Variants in IQSEC1 observed in about 807,000 individuals in gnomAD.
IQSEC1 encodes the protein IQ motif and SEC7 domain-containing protein 1.
IQSEC1 carries 31 observed loss-of-function variants against 91.0 expected under a neutral mutation model. The observed-to-expected ratio is 0.34, with a 90% CI of 0.26 to 0.46. IQSEC1 has a LOEUF of 0.46. Among genes scored for constraint, IQSEC1 ranks in the 20% least tolerant of loss-of-function variants. The probability of loss-of-function intolerance (pLI) is 1.00; values close to 1 mark genes in which losing one functional copy is unlikely to be tolerated. For missense variants in IQSEC1, 1,388 were observed against 1,575.6 expected, an observed-to-expected ratio of 0.88 and a Z score of 2.02; for synonymous variants, 699 against 662.6, an observed-to-expected ratio of 1.05 and a Z score of -0.84.
At chr3:13,261,535 C>T (rs1035739221) in intron 1 of IQSEC1, among the ~76,000 whole-genome samples, 1 of 152,114 alleles carries the variant, frequency 6.6e-6, no homozygotes, top group Non-Finnish European at 1.5e-5. Flanking sequence ...CCCCAGACAG[C>T]GAGCAAAGCC....
At chr3:13,062,712 G>A (rs1705108511) in intron 1 of IQSEC1, among the ~76,000 whole-genome samples, 2 of 152,152 alleles carry the variant, frequency 1.3e-5, no homozygotes, top group African/African-American at 2.4e-5. Context: ...ATGGTGGAGA[G>A]CAAATGGGAG....
intron 9 of IQSEC1, among the ~76,000 whole-genome samples, chr3:12,913,154 A>T (rs1386117244): frequency 6.6e-6 from 1 of 152,222 alleles, no homozygotes; most frequent in Non-Finnish European, 1.5e-5. Flanking sequence ...AGGAAGCGTC[A>T]CACAAGGTAC....
At chr3:13,080,773 C>G (rs1424778919) in intron 2 of IQSEC1, among the ~76,000 whole-genome samples, 1 of 152,224 alleles carries the variant, frequency 6.6e-6, no homozygotes, top group Non-Finnish European at 1.5e-5. Context: ...AGCCCCCGCC[C>G]TGCCGCTGTT....
intron 1 of IQSEC1, among the ~76,000 whole-genome samples, chr3:12,955,703 G>A (rs1699859008): frequency 6.6e-6 from 1 of 152,236 alleles, no homozygotes; most frequent in Non-Finnish European, 1.5e-5. Flanking sequence ...GAGGGGCTGG[G>A]CAAAGCCCTT....
Position 12,940,056 on chromosome 3 carries a change from A to C in IQSEC1, c.318+1515T>G, listed in dbSNP as rs1698609187. ...CCACAGTAAGCATATAATTCTCTTCAAAGGCCTCTATTAAGTCCCAACCTT... is the reference window on the plus strand; with the variant it reads ...CCACAGTAAGCATATAATTCTCTTCCAAGGCCTCTATTAAGTCCCAACCTT... On this transcript the variant is annotated intron_variant, in intron 2 of 13. Transcript: ENST00000613206. This position sits in a 1 kb window ranked among gnomAD's most constrained non-coding sequence, Gnocchi z 4.4. 6.6e-6 allele frequency among the ~76,000 whole-genome samples: 1 copy of C among 152,324 alleles called. No individual in the cohort carries two copies. The highest frequency in any genetic ancestry group is 1.9e-4 in the East Asian group (1 of 5,188).
Position 12,967,873 on chromosome 3 carries a change from G to A in IQSEC1, c.24-26008C>T, listed in dbSNP as rs1183230795. On this transcript the variant is annotated intron_variant, in intron 1 of 13. Transcript: ENST00000613206. This position sits in a 1 kb window ranked among gnomAD's most constrained non-coding sequence, Gnocchi z 5.9. ...ACAGGAGGCGTGGCCACACGGCGCC[G>A]CGGAAGAAGCACAGGGGGCGGGGGG... is the stretch of plus-strand genomic sequence containing the variant. 2.0e-5 allele frequency among the ~76,000 whole-genome samples: 3 copies of A among 148,156 alleles called. No homozygotes were observed. Among genetic ancestry groups the A allele is most frequent in the East Asian group, 4.0e-4 (2 of 5,030 alleles).
At chr3:13,203,142 C>T (rs1694274772) in intron 1 of IQSEC1, among the ~76,000 whole-genome samples, 1 of 151,850 alleles carries the variant, frequency 6.6e-6, no homozygotes, top group African/African-American at 2.4e-5. Flanking sequence ...TCCTGCTGCT[C>T]ATTCGGTTCC....
chr3:13,194,534 C>T (rs1173325945), intron 1 of IQSEC1, among the ~76,000 whole-genome samples: 1 of 152,138 alleles, frequency 6.6e-6, no homozygotes, highest in Non-Finnish European at 1.5e-5. Flanking sequence ...TGTCAAGGCG[C>T]CCCAACTCGC....
intron 2 of IQSEC1, among the ~76,000 whole-genome samples, chr3:13,097,414 G>A (rs1207493162): frequency 1.3e-5 from 2 of 152,122 alleles, no homozygotes. Context: ...ACTCCACCTG[G>A]CTGTCCACCA....
At chr3:13,057,186 C>G (rs1398990029) in intron 1 of IQSEC1, among the ~76,000 whole-genome samples, 1 of 152,238 alleles carries the variant, frequency 6.6e-6, no homozygotes, top group Non-Finnish European at 1.5e-5. Context: ...CTTGAACTCA[C>G]TCTCTGGCCA....
chr3:13,081,152 T>C (rs1340414832), intron 2 of IQSEC1, among the ~76,000 whole-genome samples: 1 of 152,230 alleles, frequency 6.6e-6, no homozygotes, highest in African/African-American at 2.4e-5. Flanking sequence ...TAACAGCGTG[T>C]CCATAACACA....
rs896832581 is a variant in IQSEC1, at chr3:12,904,774, C to T, written c.2756-1952G>A. Among the ~76,000 whole-genome samples the T allele has an allele frequency of 5.3e-5, 8 of 152,338 alleles. No homozygotes were observed. The South Asian group carries it at 8.3e-4, about 16-fold the overall frequency. ...CAGGGCCAGAGGGGAGATGGCCTCC[C>T]CGTCTGTAACCGGCAACTCCTTCTG... On this transcript the variant is annotated intron_variant, in intron 12 of 13. Coordinates refer to ENST00000613206, the MANE Select transcript of IQSEC1 (RefSeq NM_001134382.3).
intron 1 of IQSEC1, among the ~76,000 whole-genome samples, chr3:13,179,039 T>C (rs142778171): frequency 6.6e-6 from 1 of 152,364 alleles, no homozygotes; most frequent in East Asian, 1.9e-4. Context: ...CCCTAGTTCC[T>C]GTTTCTTATA....
chr3:13,209,077 C>T (rs1289317995), intron 1 of IQSEC1, among the ~76,000 whole-genome samples: 1 of 152,234 alleles, frequency 6.6e-6, no homozygotes, highest in Non-Finnish European at 1.5e-5. Context: ...TGCCACTTGT[C>T]ATCACAGGGA....
At chr3:13,069,759 T>C (rs1658907670) in intron 1 of IQSEC1, among the ~76,000 whole-genome samples, 1 of 152,106 alleles carries the variant, frequency 6.6e-6, no homozygotes, top group Non-Finnish European at 1.5e-5. Context: ...GAGGGGCCCC[T>C]TGCAGAGATG....
At chr3:13,064,065 A>G (rs1337595479) in intron 1 of IQSEC1, among the ~76,000 whole-genome samples, 1 of 152,058 alleles carries the variant, frequency 6.6e-6, no homozygotes, top group Non-Finnish European at 1.5e-5. Context: ...CCCAATGGTA[A>G]CATCTTACAA....
intron 1 of IQSEC1, among the ~76,000 whole-genome samples, chr3:13,234,899 T>A (rs543798039): frequency 6.6e-6 from 1 of 152,244 alleles, no homozygotes; most frequent in East Asian, 1.9e-4. Flanking sequence ...ACACACAGTG[T>A]TGGTTGTCAA....
At chr3:12,945,941 C>T (rs998539807) in intron 1 of IQSEC1, among the ~76,000 whole-genome samples, 2 of 152,196 alleles carry the variant, frequency 1.3e-5, no homozygotes, top group Admixed American at 6.5e-5. Flanking sequence ...TGGCTGAACT[C>T]GTAAAGATGT....
intron 1 of IQSEC1, among the ~76,000 whole-genome samples, chr3:13,057,776 C>A (rs938597892): frequency 1.3e-4 from 20 of 152,236 alleles, no homozygotes; most frequent in Non-Finnish European, 1.9e-4. Context: ...AACTGCCCTG[C>A]CCAGGAGCTC....
Sources: allele counts gnomAD v4.1 joint callset (sites outside exome capture counted in the v4.1 genomes callset), GRCh38; gene constraint gnomAD v4.1.1; non-coding constraint Gnocchi (gnomAD v3.1); transcripts MANE v1.5; gene names NCBI Gene and HGNC (gene_info 2026-07-23, HGNC 2026-07-21).